Variants in MEI4 observed in about 807,000 individuals in gnomAD.
MEI4 encodes the protein meiotic double-stranded break formation protein 4.
MEI4 carries 27 observed loss-of-function variants against 31.4 expected under a neutral mutation model. The observed-to-expected ratio is 0.86, with a 90% CI of 0.63 to 1.19. The LOEUF is 1.19. MEI4 is among the 50% of genes most tolerant of loss of function. The pLI, the probability that MEI4 is intolerant of heterozygous loss-of-function variation, is 0.00. For missense variants in MEI4, 329 were observed against 398.9 expected (o/e 0.82, Z 1.49); for synonymous variants, 122 against 145.4 (o/e 0.84, Z 1.16).
At chr6:77,738,017 T>C (rs1767297999) in intron 2 of MEI4, among the ~76,000 whole-genome samples, 1 of 152,116 alleles carries the variant, frequency 6.6e-6, no homozygotes, top group South Asian at 2.1e-4. Flanking sequence ...GATAAGAAAG[T>C]CATCTGCCTA....
At chr6:77,865,544 C>G (rs933413127) in intron 4 of MEI4, among the ~76,000 whole-genome samples, 1 of 152,150 alleles carries the variant, frequency 6.6e-6, no homozygotes, top group Admixed American at 6.5e-5. Context: ...ATTTGAATCT[C>G]TGAATAGACC....
At chr6:77,705,381 ATGT>A (rs925639309) in intron 2 of MEI4, among the ~76,000 whole-genome samples, 15 of 152,254 alleles carry the variant, frequency 9.9e-5, no homozygotes, top group South Asian at 4.1e-4. Flanking sequence ...GAATGCTAAC[ATGT>A]TGTAGGCAAT....
chr6:77,897,629 G>T (rs1447120623), intron 4 of MEI4, among the ~76,000 whole-genome samples: 4 of 151,848 alleles, frequency 2.6e-5, no homozygotes, highest in African/African-American at 9.7e-5. Flanking sequence ...AACAGTTTTA[G>T]AACTTTTCAT....
intron 2 of MEI4, among the ~76,000 whole-genome samples, chr6:77,703,391 A>T (rs972455997): frequency 6.6e-5 from 10 of 152,174 alleles, no homozygotes; most frequent in Non-Finnish European, 1.5e-4. Flanking sequence ...ATTGAATCAG[A>T]ATGGGATAAA....
At chr6:77,734,153 G>A (rs952729516) in intron 2 of MEI4, among the ~76,000 whole-genome samples, 1 of 151,928 alleles carries the variant, frequency 6.6e-6, no homozygotes, top group East Asian at 1.9e-4. Context: ...TCCGCTTGGT[G>A]CAGAGCTGAG....
chr6:77,698,976 C>A (rs185892631), intron 2 of MEI4, among the ~76,000 whole-genome samples: 4,490 of 151,976 alleles, frequency 0.03, 236 homozygotes, highest in African/African-American at 0.1. Flanking sequence ...TCTTTTTATT[C>A]TTTTTTCTCT....
intron 2 of MEI4, among the ~76,000 whole-genome samples, chr6:77,730,498 C>T (rs1034051027): frequency 1.3e-5 from 2 of 152,100 alleles, no homozygotes; most frequent in African/African-American, 4.8e-5. Flanking sequence ...GAGATGGTTT[C>T]CTCTTATCAG....
At chr6:77,865,956 T>C (rs2127723121) in intron 4 of MEI4, among the ~76,000 whole-genome samples, 1 of 152,258 alleles carries the variant, frequency 6.6e-6, no homozygotes, top group African/African-American at 2.4e-5. Context: ...ATCCAGCATA[T>C]AAACAGAACC....
At chr6:77,730,095 GGAGA>G (rs1298909356) in intron 2 of MEI4, among the ~76,000 whole-genome samples, 1 of 152,094 alleles carries the variant, frequency 6.6e-6, no homozygotes, top group African/African-American at 2.4e-5. Context: ...GCTTGTTCAA[GGAGA>G]GAGAGAAGAT....
intron 2 of MEI4, among the ~76,000 whole-genome samples, chr6:77,692,581 TAA>T (rs1562207852): frequency 6.6e-6 from 1 of 151,986 alleles, no homozygotes; most frequent in East Asian, 1.9e-4. Flanking sequence ...TAGTGAGAAA[TAA>T]AAGGACAGAC....
intron 2 of MEI4, among the ~76,000 whole-genome samples, chr6:77,739,430 G>A (rs983857297): frequency 1.3e-5 from 2 of 152,102 alleles, no homozygotes; most frequent in South Asian, 4.1e-4. Flanking sequence ...GCAGGGACAT[G>A]GATGAACCTG....
chr6:77,882,631 A>T (rs563984670), intron 4 of MEI4, among the ~76,000 whole-genome samples: 1 of 152,270 alleles, frequency 6.6e-6, no homozygotes, highest in South Asian at 2.1e-4. Context: ...CTCTGATGTG[A>T]GTTGAGAGGT....
chr6:77,703,076 A>C (rs139180072), intron 2 of MEI4, among the ~76,000 whole-genome samples: 1 of 152,290 alleles, frequency 6.6e-6, no homozygotes, highest in Non-Finnish European at 1.5e-5. Context: ...GTGAGACCCA[A>C]ACTCTATGCT....
At chr6:77,919,085 T>G (rs1050330989) in intron 4 of MEI4, among the ~76,000 whole-genome samples, 15 of 151,924 alleles carry the variant, frequency 9.9e-5, no homozygotes, top group Non-Finnish European at 1.9e-4. Context: ...ATTAGACAGA[T>G]CAACAAGACA....
Position 77,733,543 on chromosome 6 carries a change from G to A in MEI4, c.233-27587G>A, listed in dbSNP as rs187603817. On this transcript the variant is annotated intron_variant, in intron 2 of 4. Coordinates refer to ENST00000684080, the MANE Select transcript of MEI4 (RefSeq NM_001322247.2). ...TTTTTTCTTTATTAGTCTTGCTAGC[G>A]GTTTATCAGTTTTGTTGATCATTTC... Among the ~76,000 whole-genome samples the A allele has an allele frequency of 5.3e-3, 802 of 151,856 alleles. 14 individuals are homozygous for A. The highest frequency in any genetic ancestry group is 0.019 in the African/African-American group (780 of 41,322).
chr6:77,729,695 G>A (rs936153670), intron 2 of MEI4, among the ~76,000 whole-genome samples: 1 of 151,836 alleles, frequency 6.6e-6, no homozygotes. Flanking sequence ...TACAAACAGT[G>A]TAGAGAACAG....
rs550095694 is a variant in MEI4 at position 77,767,388 on chromosome 6, G to GAATA, written c.768+5745_768+5748dup. On this transcript the variant is annotated intron_variant, in intron 3 of 4. Coordinates refer to ENST00000684080, the MANE Select transcript of MEI4 (RefSeq NM_001322247.2). ...AGACTCCCTCAATAAATAAATAAAT[G>GAATA]AATAAATAAATAAATAAATAAATAA... 4.8e-3 allele frequency among the ~76,000 whole-genome samples: 720 copies of GAATA among 148,936 alleles called. 1 individual carries two copies. Among genetic ancestry groups the GAATA allele is most frequent in the African/African-American group, 7.7e-3 (310 of 40,418 alleles).
intron 2 of MEI4, among the ~76,000 whole-genome samples, chr6:77,700,396 T>A (rs985562775): frequency 6.6e-6 from 1 of 152,180 alleles, no homozygotes; most frequent in East Asian, 1.9e-4. Flanking sequence ...CTCCTAGCCA[T>A]GTGTGGGATA....
chr6:77,746,255 A>G (rs28558486), intron 2 of MEI4, among the ~76,000 whole-genome samples: 20,946 of 152,126 alleles, frequency 0.14, 1,524 homozygotes, highest in Middle Eastern at 0.21. Context: ...AGAGAGAAGA[A>G]TCAAATAGAC....
Sources: gnomAD v4.1 joint callset for allele counts (sites outside exome capture counted in the v4.1 genomes callset) on GRCh38, gnomAD v4.1.1 for gene constraint, MANE v1.5 for transcripts, NCBI Gene and HGNC (gene_info 2026-07-23, HGNC 2026-07-21) for gene names.